Variants in ACE observed in about 807,000 individuals in gnomAD.
ACE encodes the protein angiotensin I converting enzyme.
Under a neutral mutation model 162.3 loss-of-function variants are expected in ACE, and 122 were observed. The observed-to-expected ratio is 0.75, with a 90% CI of 0.65 to 0.87. ACE has a LOEUF of 0.87. Among genes scored for constraint, ACE ranks in the 40% least tolerant of loss-of-function variants. ACE has a pLI of 0.00. For synonymous variants in ACE, 796 were observed against 720.6 expected, an observed-to-expected ratio of 1.10 and a Z score of -1.68; for missense variants, 1,799 against 1,735.1, an observed-to-expected ratio of 1.04 and a Z score of -0.65.
intron 9 of ACE, 70 bp from the exon 10 acceptor site, chr17:63,483,390 T>C: frequency 6.6e-7 from 1 of 1,521,660 alleles, no homozygotes. Context: ...GGAAATGCCT[T>C]TTCTACAAAA....
rs2030324853 is a variant in ACE, at chr17:63,490,913, T to C, written c.2642-41T>C. ...GGAGGGCATTGAGCCTAAGTAACAT[T>C]TGTCTTTCCTCTCTCTGCCGTCCCC... On this transcript the variant is annotated intron_variant, in intron 17 of 24. Transcript: ENST00000290866. 6 of 1,594,322 alleles carry C rather than the reference T, an allele frequency of 3.8e-6. No homozygotes were observed. In the East Asian group the frequency reaches 1.3e-4, roughly 36 times the overall value.
chr17:63,485,023 C>T, intron 12 of ACE: 1 of 1,611,448 alleles, frequency 6.2e-7, no homozygotes, highest in Non-Finnish European at 8.5e-7. Context: ...GCCAGACAAC[C>T]ACCCACCAGG....
chr17:63,483,782 G>C (rs1263765038), intron 10 of ACE, 67 bp from the exon 11 acceptor site: 3 of 1,611,452 alleles, frequency 1.9e-6, no homozygotes, highest in Admixed American at 3.3e-5. Context: ...GCTGGATGGT[G>C]CCTGGGTAAG....
intron 15 of ACE, among the ~76,000 whole-genome samples, chr17:63,488,368 A>G (rs1486678722): frequency 2.7e-5 from 4 of 148,678 alleles, no homozygotes; most frequent in Non-Finnish European, 3.0e-5. Context: ...CAGAAAAAAA[A>G]AAAAAAAAAA....
rs1243492273 is a variant in ACE at position 63,484,347 on chromosome 17, G to C, written c.1727G>C (p.Gly576Ala). The part of the protein sequence containing the change: ...GAKLRKVLQA[G>A]SSRPWQEVLK... Reference sequence around the variant, plus strand: ...CCCACCAGGAAGGTGCTGCAGGCTGGCTCCTCCAGGCCCTGGCAGGAGGTG... The same window carrying C: ...CCCACCAGGAAGGTGCTGCAGGCTGCCTCCTCCAGGCCCTGGCAGGAGGTG... The change falls in exon 12 of 25, where the codon GGC becomes GCC. Residue 576 changes from glycine (G) to alanine (A), a missense_variant. By Grantham distance (60) the Gly-to-Ala change is moderately conservative (BLOSUM62 0). Coordinates refer to ENST00000290866, the MANE Select transcript of ACE (RefSeq NM_000789.4). The surrounding 1 kb of genome is among the most constrained non-coding windows in gnomAD (Gnocchi z 4.0). The C allele has an allele frequency of 1.1e-5, 17 of 1,610,922 alleles. No homozygotes were observed. The highest frequency in any genetic ancestry group is 1.4e-5 in the Non-Finnish European group (17 of 1,179,798).
chr17:63,484,310 G>T lies in ACE; in HGVS notation c.1710-20G>T. ...CCAGCCTGAGTCCCCTGTGCCCATG[G>T]TACCCACTCTGCCCACCAGGAAGGT... is the stretch of plus-strand genomic sequence containing the variant. On this transcript the variant is annotated intron_variant, in intron 11 of 24. Coordinates refer to ENST00000290866, the MANE Select transcript of ACE (RefSeq NM_000789.4). The surrounding 1 kb of genome is among the most constrained non-coding windows in gnomAD (Gnocchi z 4.0). The T allele has an allele frequency of 6.2e-7, 1 of 1,605,168 alleles. No homozygotes were observed.
rs200011052 is a variant in ACE, at chr17:63,493,658, C to A, written c.3135C>A (p.Asp1045Glu). ...TGCTGAGCAGTGAGGGTGGCAGCGA[C>A]GGTGAGAGAGAAGCGGGAGGCCCTG... ...LNLLSSEGGS[D>E]EHDINFLMKM... The change falls in exon 20 of 25, where the codon GAC (aspartate) becomes GAA (glutamate). Residue 1045 changes from aspartate (D) to glutamate (E), a missense_variant and splice_region_variant. Asp to Glu is a conservative substitution (Grantham distance 45). Transcript: ENST00000290866. 4 of 1,613,894 alleles carry A rather than the reference C, an allele frequency of 2.5e-6. No homozygotes were observed. The Admixed American group carries it at 6.7e-5, about 27-fold the overall frequency.
chr17:63,487,306 A>G (rs1233634128), intron 15 of ACE, among the ~76,000 whole-genome samples: 1 of 151,986 alleles, frequency 6.6e-6, no homozygotes, highest in African/African-American at 2.4e-5. Context: ...CCCTCTGCTT[A>G]AGGGTGTCCA....
intron 13 of ACE, 141 bp downstream of exon 13, chr17:63,485,513 G>A (rs2029878880): frequency 1.6e-6 from 2 of 1,213,950 alleles, no homozygotes; most frequent in Non-Finnish European, 2.3e-6. Context: ...GGGCGCGGTG[G>A]CTCACGCCTG....
chr17:63,484,563 G>A lies in ACE; in HGVS notation c.1921+22G>A, dbSNP rs888235492. 1.2e-6 allele frequency: 2 copies of A among 1,601,916 alleles called. No individual in the cohort carries two copies. Among genetic ancestry groups the A allele is most frequent in the African/African-American group, 1.3e-5 (1 of 74,918 alleles). On this transcript the variant is annotated intron_variant, in intron 12 of 24. Coordinates refer to ENST00000290866, the MANE Select transcript of ACE (RefSeq NM_000789.4). This position sits in a 1 kb window ranked among gnomAD's most constrained non-coding sequence, Gnocchi z 4.0. ...ATAGGTAAAGCCCTGAGTGAGGATG[G>A]TGTGGGGCTAAGGTGGGTCCTCAAC...
intron 8 of ACE, 54 bp downstream of exon 8, chr17:63,482,743 C>T: frequency 6.4e-7 from 1 of 1,555,756 alleles, no homozygotes; most frequent in Non-Finnish European, 8.8e-7. Context: ...CCGCTCCACC[C>T]CACAGCAGGA....
Position 63,485,280 on chromosome 17 carries a change from T to C in ACE, c.1966T>C (p.Tyr656His), listed in dbSNP as rs2029872680. 1.2e-6 allele frequency: 2 copies of C among 1,613,986 alleles called. No individual in the cohort carries two copies. Among genetic ancestry groups the C allele is most frequent in the South Asian group, 2.2e-5 (2 of 91,076 alleles). The change falls in exon 13 of 25, where the codon TAT becomes CAT. Residue 656 changes from tyrosine (Y) to histidine (H), a missense_variant. Physicochemically the swap from Tyr to His is moderately conservative, Grantham distance 83. Coordinates refer to ENST00000290866, the MANE Select transcript of ACE (RefSeq NM_000789.4). ...TGAGGCCAGCAAGTTTGTGGAGGAATATGACCGGACATCCCAGGTGGTGTG... is the reference window on the plus strand; with the variant it reads ...TGAGGCCAGCAAGTTTGTGGAGGAACATGACCGGACATCCCAGGTGGTGTG... The part of the protein sequence containing the change: ...EAEASKFVEE[Y>H]DRTSQVVWNE...
At chr17:63,485,402 G>C (rs1393995234) in intron 13 of ACE, 30 bp downstream of exon 13, 1 of 1,613,504 alleles carries the variant, frequency 6.2e-7, no homozygotes, top group East Asian at 2.2e-5. Context: ...CCCCAAACCT[G>C]AGCATGTGCA....
Position 63,489,123 on chromosome 17 carries a change from C to T in ACE, c.2632C>T (p.His878Tyr). ...CAACCTGGAGGGGCCCATTCCTGCT[C>T]ACCTGCTGGGTAAGGGCACATGTCG... ...HINLEGPIPA[H>Y]LLGNMWAQTW... is the part of the protein sequence containing the mutation. Residue 878 changes from histidine (H) to tyrosine (Y), a missense_variant, in exon 17 of 25, where the codon CAC becomes TAC. Transcript: ENST00000290866. 6.2e-7 allele frequency: 1 copy of T among 1,609,656 alleles called. No individual in the cohort carries two copies. Among genetic ancestry groups the T allele is most frequent in the Non-Finnish European group, 8.5e-7 (1 of 1,179,990 alleles).
At position 63,494,043 on chromosome 17, in the gene ACE, T is replaced by A. The variant is rs1292602898; in HGVS notation, c.3258T>A (p.Tyr1086Ter). The A allele has an allele frequency of 4.3e-6, 7 of 1,614,112 alleles. No homozygotes were observed. Among genetic ancestry groups the A allele is most frequent in the Non-Finnish European group, 5.9e-6 (7 of 1,180,032 alleles). The part of the protein sequence containing the change: ...VFDGSITKEN[Y>*]NQEWWSLRLK... Reference sequence around the variant, plus strand: ...ATGGAAGCATCACCAAGGAGAACTATAACCAGGAGTGGTGGAGCCTCAGGT... The same window carrying A: ...ATGGAAGCATCACCAAGGAGAACTAAAACCAGGAGTGGTGGAGCCTCAGGT... Residue 1086 changes from tyrosine (Y) to a stop codon, truncating the protein, a stop_gained, in exon 21 of 25, where the codon TAT becomes TAA. Transcript: ENST00000290866. LOFTEE classifies it high-confidence loss of function.
intron 23 of ACE, 28 bp downstream of exon 23, chr17:63,496,544 T>G (rs967526829): frequency 6.2e-7 from 1 of 1,613,660 alleles, no homozygotes; most frequent in Non-Finnish European, 8.5e-7. Flanking sequence ...CTCCTTTGTT[T>G]CCATGCTCTG....
chr17:63,477,806 C>A (rs1341723124), intron 1 of ACE, 125 bp from the exon 2 acceptor site: 1 of 1,203,832 alleles, frequency 8.3e-7, no homozygotes, highest in East Asian at 2.6e-5. Flanking sequence ...CCGCAGGGAT[C>A]TCCCCAGGGC....
chr17:63,484,356 G>A lies in ACE; in HGVS notation c.1736G>A (p.Arg579Lys). 6.2e-7 allele frequency: 1 copy of A among 1,611,264 alleles called. No individual in the cohort carries two copies. The highest frequency in any genetic ancestry group is 8.5e-7 in the Non-Finnish European group (1 of 1,179,860). The change falls in exon 12 of 25, where the codon AGG (arginine) becomes AAG (lysine). Residue 579 changes from arginine (R) to lysine (K), a missense_variant. Arg to Lys is a conservative substitution (Grantham distance 26, BLOSUM62 2). Transcript: ENST00000290866. The surrounding 1 kb of genome is among the most constrained non-coding windows in gnomAD (Gnocchi z 4.0). The stretch of plus-strand genomic sequence containing the variant: ...AAGGTGCTGCAGGCTGGCTCCTCCA[G>A]GCCCTGGCAGGAGGTGCTGAAGGAC... ...LRKVLQAGSS[R>K]PWQEVLKDMV... is the part of the protein sequence containing the mutation.
chr17:63,477,958 T>G lies in ACE; in HGVS notation c.277T>G (p.Phe93Val), dbSNP rs1223622664. 6.2e-7 allele frequency: 1 copy of G among 1,611,962 alleles called. No homozygotes were observed. The highest frequency in any genetic ancestry group is 1.1e-5 in the South Asian group (1 of 90,650). The stretch of plus-strand genomic sequence containing the variant: ...GGAAGCAGCCCTGCTCAGCCAGGAG[T>G]TTGCGGAGGCCTGGGGCCAGAAGGC... The part of the protein sequence containing the change: ...QEEAALLSQE[F>V]AEAWGQKAKE... The change falls in exon 2 of 25, where the codon TTT becomes GTT. Residue 93 changes from phenylalanine (F) to valine (V), a missense_variant. Transcript: ENST00000290866.
Sources: allele counts gnomAD v4.1 joint callset (sites outside exome capture counted in the v4.1 genomes callset), GRCh38; gene constraint gnomAD v4.1.1; non-coding constraint Gnocchi (gnomAD v3.1); transcripts MANE v1.5; gene names NCBI Gene and HGNC (gene_info 2026-07-23, HGNC 2026-07-21).